The following ROBO3 variants were observed in gnomAD, a reference collection of about 807,000 sequenced individuals.
ROBO3 encodes the protein roundabout homolog 3.
In ROBO3, 97 loss-of-function variants were observed where a neutral mutation model predicts 160.5. The ratio of observed to expected loss-of-function variants is 0.60; its 90% CI spans 0.51 to 0.72. The LOEUF is 0.72. Ranked by LOEUF, ROBO3 falls within the 30% of genes least tolerant of loss-of-function variation. The probability of loss-of-function intolerance (pLI) is 0.00; values close to 1 mark genes in which losing one functional copy is unlikely to be tolerated. For synonymous variants in ROBO3, 780 were observed against 746.2 expected, an observed-to-expected ratio of 1.05 and a Z score of -0.74; for missense variants, 1,858 against 1,846.5, an observed-to-expected ratio of 1.01 and a Z score of -0.11.
At chr11:124,879,621 G>A in intron 25 of ROBO3, 46 bp downstream of exon 25, 1 of 1,550,430 alleles carries the variant, frequency 6.4e-7, no homozygotes, top group Non-Finnish European at 8.8e-7. Context: ...GTGGCGGGGG[G>A]ATAGGCAGGA....
At chr11:124,871,260 C>T (rs1946277278) in intron 7 of ROBO3, 122 bp downstream of exon 7, 3 of 1,209,770 alleles carry the variant, frequency 2.5e-6, no homozygotes, top group Non-Finnish European at 3.3e-6. Context: ...CCCCAGAAAC[C>T]CTTGCAGGTT....
At position 124,870,205 on chromosome 11, in the gene ROBO3, C is replaced by A. The variant is rs1444254617; in HGVS notation, c.807C>A (p.Val269=). Reference sequence around the variant, plus strand: ...TGCGCAGACCAGTGAATCAGGTGGTCCTGGCTGATGCCCCTGTGACTTTCC... The same window carrying A: ...TGCGCAGACCAGTGAATCAGGTGGTACTGGCTGATGCCCCTGTGACTTTCC... ...SFLRRPVNQV[V]LADAPVTFLC... The change falls in exon 5 of 28, where the codon GTC becomes GTA. Residue 269 remains valine, a synonymous_variant. Transcript: ENST00000397801. 3.7e-6 allele frequency: 6 copies of A among 1,613,934 alleles called. No homozygotes were observed. The highest frequency in any genetic ancestry group is 1.7e-5 in the Admixed American group (1 of 60,010).
At position 124,870,042 on chromosome 11, in the gene ROBO3, G is replaced by C. The variant is rs755882911; in HGVS notation, c.740G>C (p.Ser247Thr). The C allele has an allele frequency of 6.2e-7, 1 of 1,614,086 alleles. No homozygotes were observed. Among genetic ancestry groups the C allele is most frequent in the Non-Finnish European group, 8.5e-7 (1 of 1,179,906 alleles). The change falls in exon 4 of 28, where the codon AGT (serine) becomes ACT (threonine). Residue 247 changes from serine to threonine, a missense_variant. By Grantham distance (58) the Ser-to-Thr change is moderately conservative. Transcript: ENST00000397801. ...TCCAACATGGCGGGAGAACGGGAGA[G>C]TGCGGCAGCTGAAGTCATGGTACTG... Reference protein sequence around the residue: ...VASNMAGERESAAAEVMVLER... With the variant: ...VASNMAGERETAAAEVMVLER...
rs2135342597 is a variant in ROBO3, at chr11:124,878,079, T to C, written c.3129T>C (p.Asp1043=). The part of the protein sequence containing the change: ...HGGFPQHPSG[D]LGPWSQYAPP... ...GCTTCCCCCAACATCCCTCAGGAGA[T>C]CTGGGTCCCTGGAGCCAGTACGCTC... The change falls in exon 21 of 28, where the codon GAT becomes GAC. Residue 1043 remains aspartate (D), a synonymous_variant. Coordinates refer to ENST00000397801, the MANE Select transcript of ROBO3 (RefSeq NM_022370.4). This position sits in a 1 kb window ranked among gnomAD's most constrained non-coding sequence, Gnocchi z 4.3. 1 of 1,612,324 alleles carries C rather than the reference T, an allele frequency of 6.2e-7. No individual in the cohort carries two copies. Among genetic ancestry groups the C allele is most frequent in the Non-Finnish European group, 8.5e-7 (1 of 1,179,408 alleles).
intron 12 of ROBO3, 97 bp downstream of exon 12, chr11:124,874,333 C>G (rs1389934077): frequency 1.7e-6 from 2 of 1,154,612 alleles, no homozygotes; most frequent in African/African-American, 3.1e-5. Context: ...TCATACAGTT[C>G]TTTCCTGCTA....
chr11:124,881,335 G>A lies in ROBO3; in HGVS notation c.*85G>A. 2.2e-6 allele frequency: 3 copies of A among 1,373,284 alleles called. No homozygotes were observed. Among genetic ancestry groups the A allele is most frequent in the East Asian group, 2.5e-5 (1 of 40,616 alleles). 85.1% of individuals were successfully genotyped at this position (1,373,284 alleles called of 1,614,324 possible). A position where few individuals can be genotyped will look rare whatever the true frequency, so the allele number is the denominator to read the frequency against. ...TTTCCCCCCCAGCAGTGATGAGTGG[G>A]GCTAGCTGAAGCCCATTGGTTTCCA... On this transcript the variant is annotated 3_prime_UTR_variant, in exon 28 of 28. Transcript: ENST00000397801.
Position 124,873,662 on chromosome 11 carries a change from CT to C in ROBO3, c.1619-34del. On this transcript the variant is annotated intron_variant, in intron 10 of 27. Coordinates refer to ENST00000397801, the MANE Select transcript of ROBO3 (RefSeq NM_022370.4). The surrounding 1 kb of genome is among the most constrained non-coding windows in gnomAD (Gnocchi z 4.5). ...AGGTTACACTAGGATTATCCTTTCC[CT>C]ATCTTTCTACTTAAAGATTATCTCC... 6.4e-7 allele frequency: 1 copy of C among 1,567,242 alleles called. No homozygotes were observed. Among genetic ancestry groups the C allele is most frequent in the Non-Finnish European group, 8.7e-7 (1 of 1,151,690 alleles).
chr11:124,866,225 G>A (rs1298404299), intron 1 of ROBO3, among the ~76,000 whole-genome samples: 2 of 152,208 alleles, frequency 1.3e-5, no homozygotes, highest in East Asian at 3.9e-4. Context: ...TTGCTACGGA[G>A]GGGATAGGGG....
At position 124,868,961 on chromosome 11, in the gene ROBO3, T is replaced by G. The variant is rs748926692; in HGVS notation, c.320T>G (p.Val107Gly). The G allele has an allele frequency of 6.2e-7, 1 of 1,605,014 alleles. No individual in the cohort carries two copies. Among genetic ancestry groups the G allele is most frequent in the Non-Finnish European group, 8.5e-7 (1 of 1,176,714 alleles). ...AAGAACGGGGCGCGTGTGGCCACTGTGCGGGAGGATCCGCGTGCGCACCGC... is the reference window on the plus strand; with the variant it reads ...AAGAACGGGGCGCGTGTGGCCACTGGGCGGGAGGATCCGCGTGCGCACCGC... Reference protein sequence around the residue: ...WYKNGARVATVREDPRAHRLL... With the variant: ...WYKNGARVATGREDPRAHRLL... The change falls in exon 2 of 28, where the codon GTG (valine) becomes GGG (glycine). Residue 107 changes from valine (V) to glycine (G), a missense_variant. Transcript: ENST00000397801.
rs186081140 is a variant in ROBO3 at position 124,873,080 on chromosome 11, C to T, written c.1527C>T (p.Ala509=). 4 of 1,613,416 alleles carry T rather than the reference C, an allele frequency of 2.5e-6. No individual in the cohort carries two copies. Among genetic ancestry groups the T allele is most frequent in the Non-Finnish European group, 3.4e-6 (4 of 1,179,582 alleles). ...TGGCCAACGGTACCCTGTACATCGCCAATGTGCAGGTGAGTGTCACCCCTG... is the reference window on the plus strand; with the variant it reads ...TGGCCAACGGTACCCTGTACATCGCTAATGTGCAGGTGAGTGTCACCCCTG... The part of the protein sequence containing the change: ...KTMANGTLYI[A]NVQEMDMGFY... The change falls in exon 9 of 28, where the codon GCC becomes GCT. Residue 509 remains alanine, a synonymous_variant. Coordinates refer to ENST00000397801, the MANE Select transcript of ROBO3 (RefSeq NM_022370.4). This position sits in a 1 kb window ranked among gnomAD's most constrained non-coding sequence, Gnocchi z 4.5.
chr11:124,877,539 C>T lies in ROBO3; in HGVS notation c.2867C>T (p.Pro956Leu), dbSNP rs375829325. The part of the protein sequence containing the change: ...ASSRPPMGLG[P>L]APYSWLADSW... ...CTCAGGCCACCCATGGGCCTTGGCC[C>T]CGCCCCCTACTCATGGCTGGCAGAT... is the stretch of plus-strand genomic sequence containing the variant. Residue 956 changes from proline to leucine, a missense_variant, in exon 20 of 28, where the codon CCC becomes CTC. Physicochemically the swap from Pro to Leu is moderately conservative, Grantham distance 98. Coordinates refer to ENST00000397801, the MANE Select transcript of ROBO3 (RefSeq NM_022370.4). The T allele has an allele frequency of 4.4e-6, 7 of 1,600,918 alleles. No homozygotes were observed. Among genetic ancestry groups the T allele is most frequent in the South Asian group, 2.3e-5 (2 of 88,684 alleles).
intron 14 of ROBO3, 26 bp downstream of exon 14, chr11:124,875,362 A>C (rs1466686949): frequency 5.7e-6 from 4 of 707,320 alleles, no homozygotes; most frequent in Non-Finnish European, 9.4e-6. Context: ...GAACAGATGG[A>C]TGGACAAGAG....
chr11:124,869,789 C>T lies in ROBO3; in HGVS notation c.646-159C>T, dbSNP rs1026237913. Among the ~76,000 whole-genome samples the T allele has an allele frequency of 2.6e-5, 4 of 152,238 alleles. No individual in the cohort carries two copies. The highest frequency in any genetic ancestry group is 9.6e-5 in the African/African-American group (4 of 41,472). On this transcript the variant is annotated intron_variant, in intron 3 of 27. Transcript: ENST00000397801. This position sits in a 1 kb window ranked among gnomAD's most constrained non-coding sequence, Gnocchi z 4.2. Reference sequence around the variant, plus strand: ...GGGCGGGGGCATGATGCCCCAGGAACTTCCCATTTGATATGTGGGTCAACT... The same window carrying T: ...GGGCGGGGGCATGATGCCCCAGGAATTTCCCATTTGATATGTGGGTCAACT...
Position 124,876,706 on chromosome 11 carries a change from G to A in ROBO3, c.2779+246G>A, listed in dbSNP as rs1946385985. The A allele has an allele frequency of 7.8e-6, 3 of 385,520 alleles. No individual in the cohort carries two copies. The highest frequency in any genetic ancestry group is 1.4e-5 in the Non-Finnish European group (3 of 215,862). The allele number at this position is 385,520 out of a possible 1,614,324, so 23.9% of individuals were successfully genotyped here. Reference sequence around the variant, plus strand: ...TTTGCCTCTAAGACGCCACGAGGAGGCCAGGCTTTGCAACCATCTCCATAA... The same window carrying A: ...TTTGCCTCTAAGACGCCACGAGGAGACCAGGCTTTGCAACCATCTCCATAA... On this transcript the variant is annotated intron_variant, in intron 17 of 27. Coordinates refer to ENST00000397801, the MANE Select transcript of ROBO3 (RefSeq NM_022370.4). The surrounding 1 kb of genome is among the most constrained non-coding windows in gnomAD (Gnocchi z 5.3).
At position 124,869,429 on chromosome 11, in the gene ROBO3, G is replaced by GGCCCC; in HGVS notation, c.488-21_488-20insGCCCC. ...TGTCACTCTACACCCTGCTTATTTC[G>GGCCCC]CCCCCCACCGCCCCGCCCAGTCCTC... On this transcript the variant is annotated intron_variant, in intron 2 of 27. Transcript: ENST00000397801. The surrounding 1 kb of genome is among the most constrained non-coding windows in gnomAD (Gnocchi z 4.2). The GGCCCC allele has an allele frequency of 1.5e-6, 2 of 1,295,762 alleles. No homozygotes were observed. The highest frequency in any genetic ancestry group is 2.2e-6 in the Non-Finnish European group (2 of 929,940). 80.3% of individuals were successfully genotyped at this position (1,295,762 alleles called of 1,614,324 possible).
chr11:124,870,557 T>A (rs772874527), intron 5 of ROBO3, 44 bp from the exon 6 acceptor site: 1 of 1,612,492 alleles, frequency 6.2e-7, no homozygotes, highest in South Asian at 1.1e-5. Flanking sequence ...AGAGAAAGGG[T>A]CTGTAGCTGT....
Position 124,881,350 on chromosome 11 carries a change from A to G in ROBO3, c.*100A>G, listed in dbSNP as rs918757607. 1.7e-5 allele frequency: 21 copies of G among 1,201,600 alleles called. No individual in the cohort carries two copies. Among genetic ancestry groups the G allele is most frequent in the Non-Finnish European group, 1.2e-6 (1 of 833,196 alleles). The allele number at this position is 1,201,600 out of a possible 1,614,324, so 74.4% of individuals were successfully genotyped here. On this transcript the variant is annotated 3_prime_UTR_variant, in exon 28 of 28. Transcript: ENST00000397801. ...TGATGAGTGGGGCTAGCTGAAGCCC[A>G]TTGGTTTCCACGATTTCAATTGGCT... is the stretch of plus-strand genomic sequence containing the variant.
Position 124,872,447 on chromosome 11 carries a change from C to T in ROBO3, c.1225C>T (p.Leu409Phe), listed in dbSNP as rs1211928290. 1.2e-6 allele frequency: 2 copies of T among 1,613,894 alleles called. No individual in the cohort carries two copies. Among genetic ancestry groups the T allele is most frequent in the South Asian group, 1.1e-5 (1 of 91,090 alleles). The change falls in exon 8 of 28, where the codon CTT becomes TTT. Residue 409 changes from leucine (L) to phenylalanine (F), a missense_variant. Transcript: ENST00000397801. This position sits in a 1 kb window ranked among gnomAD's most constrained non-coding sequence, Gnocchi z 4.3. ...CTTCTCAGTGTCTCCAAGAGGCCAACTTAACATCACCGCGGTGCAGCGTGG... is the reference window on the plus strand; with the variant it reads ...CTTCTCAGTGTCTCCAAGAGGCCAATTTAACATCACCGCGGTGCAGCGTGG... ...GRFSVSPRGQ[L>F]NITAVQRGDA... is the part of the protein sequence containing the mutation.
intron 1 of ROBO3, among the ~76,000 whole-genome samples, chr11:124,866,923 C>T (rs751283877): frequency 6.6e-6 from 1 of 152,176 alleles, no homozygotes; most frequent in Non-Finnish European, 1.5e-5. Flanking sequence ...GATCCCTTCT[C>T]GCTGGCACCC....
Sources: gnomAD v4.1 joint callset for allele counts (sites outside exome capture counted in the v4.1 genomes callset) on GRCh38, gnomAD v4.1.1 for gene constraint, Gnocchi (gnomAD v3.1) non-coding constraint, MANE v1.5 for transcripts, NCBI Gene and HGNC (gene_info 2026-07-23, HGNC 2026-07-21) for gene names.